The following VKORC1L1 variants were observed in gnomAD, a reference collection of about 807,000 sequenced individuals.
The protein encoded by VKORC1L1 is vitamin K epoxide reductase complex subunit 1L1, also known as vitamin K epoxide reductase complex subunit 1-like protein 1.
A neutral mutation model predicts 18.9 loss-of-function variants in VKORC1L1; 2 were observed. The observed-to-expected ratio is 0.11, with a 90% CI of 0.04 to 0.33. VKORC1L1 has a LOEUF of 0.33. Among genes scored for constraint, VKORC1L1 ranks in the 10% least tolerant of loss-of-function variants. The probability of loss-of-function intolerance (pLI) is 1.00; values close to 1 mark genes in which losing one functional copy is unlikely to be tolerated. For synonymous variants in VKORC1L1, 96 were observed against 100.0 expected, an observed-to-expected ratio of 0.96 and a Z score of 0.24; for missense variants, 123 against 224.1, an observed-to-expected ratio of 0.55 and a Z score of 2.88.
intron 2 of VKORC1L1, among the ~76,000 whole-genome samples, chr7:65,949,608 A>ACTCTGT (rs1255275658): frequency 2.6e-5 from 4 of 151,876 alleles, no homozygotes; most frequent in African/African-American, 4.8e-5. Flanking sequence ...ACATGGTGAG[A>ACTCTGT]CTCTGTCTCT....
intron 1 of VKORC1L1, among the ~76,000 whole-genome samples, chr7:65,944,654 CA>C (rs1475317081): frequency 6.6e-6 from 1 of 151,770 alleles, no homozygotes; most frequent in Non-Finnish European, 1.5e-5. Flanking sequence ...CAGTAACTCA[CA>C]CCTGTAATCC....
chr7:65,901,144 A>G (rs1789308396), intron 1 of VKORC1L1, among the ~76,000 whole-genome samples: 1 of 152,212 alleles, frequency 6.6e-6, no homozygotes. Flanking sequence ...GAAAAAAAGG[A>G]GGAAAAATTT....
chr7:65,939,298 CATCCAGCCAAAGAAG>C (rs1789996391), intron 1 of VKORC1L1, among the ~76,000 whole-genome samples: 1 of 152,174 alleles, frequency 6.6e-6, no homozygotes, highest in Non-Finnish European at 1.5e-5. Flanking sequence ...GCTGGTGGCT[CATCCAGCCAAAGAAG>C]TAAAAGGGGT....
At chr7:65,951,529 G>A (rs952040084) in intron 2 of VKORC1L1, among the ~76,000 whole-genome samples, 1 of 151,370 alleles carries the variant, frequency 6.6e-6, no homozygotes, top group South Asian at 2.1e-4. Context: ...AGCTAATGTC[G>A]CACCATTGCA....
At chr7:65,943,876 A>C (rs530070459) in intron 1 of VKORC1L1, among the ~76,000 whole-genome samples, 1 of 152,210 alleles carries the variant, frequency 6.6e-6, no homozygotes. Flanking sequence ...AGGTGGTAAA[A>C]GCAAGATAAT....
intron 1 of VKORC1L1, among the ~76,000 whole-genome samples, chr7:65,899,557 G>A (rs961418114): frequency 3.3e-5 from 5 of 152,156 alleles, no homozygotes. Context: ...TGACTCTGAA[G>A]CTTATGGGAG....
At chr7:65,950,629 C>CAA (rs546351132) in intron 2 of VKORC1L1, among the ~76,000 whole-genome samples, 1 of 140,956 alleles carries the variant, frequency 7.1e-6, no homozygotes, top group African/African-American at 2.6e-5. Flanking sequence ...TGTAAAATAG[C>CAA]AAAAAAAAAA....
At chr7:65,869,768 G>A (rs1225174503), upstream of VKORC1L1, among the ~76,000 whole-genome samples, 1 of 147,276 alleles carries the variant, frequency 6.8e-6, no homozygotes, top group African/African-American at 2.5e-5. Flanking sequence ...CTTCTGCCTT[G>A]GCCTCCTGAA....
At chr7:65,891,539 G>T (rs1249538926) in intron 1 of VKORC1L1, among the ~76,000 whole-genome samples, 1 of 152,102 alleles carries the variant, frequency 6.6e-6, no homozygotes, top group Non-Finnish European at 1.5e-5. Flanking sequence ...AGGGATAAAT[G>T]TATTGATCCC....
intron 1 of VKORC1L1, among the ~76,000 whole-genome samples, chr7:65,880,910 A>G (rs1788917681): frequency 6.6e-6 from 1 of 152,190 alleles, no homozygotes; most frequent in African/African-American, 2.4e-5. Flanking sequence ...GTTATTGTAC[A>G]GGTTGAGGAT....
chr7:65,901,372 C>G (rs561131587), intron 1 of VKORC1L1, among the ~76,000 whole-genome samples: 2 of 152,226 alleles, frequency 1.3e-5, no homozygotes, highest in East Asian at 1.9e-4. Flanking sequence ...GCAACAACAA[C>G]AAGATACAAA....
chr7:65,947,880 C>T (rs1175528594), intron 1 of VKORC1L1, among the ~76,000 whole-genome samples: 4 of 151,982 alleles, frequency 2.6e-5, no homozygotes, highest in African/African-American at 7.2e-5. Flanking sequence ...TGAGTAGAGA[C>T]GGGTTTCACC....
chr7:65,868,658 G>T (rs201013335), upstream of VKORC1L1, among the ~76,000 whole-genome samples: 1 of 147,298 alleles, frequency 6.8e-6, no homozygotes, highest in Non-Finnish European at 1.5e-5. Context: ...GAATGAAATC[G>T]TGTCTTTTGC....
chr7:65,950,596 C>T (rs562965128), intron 2 of VKORC1L1, among the ~76,000 whole-genome samples: 2 of 150,750 alleles, frequency 1.3e-5, no homozygotes, highest in African/African-American at 4.9e-5. Context: ...GATGTGTGCA[C>T]AAGGATATTC....
intron 1 of VKORC1L1, among the ~76,000 whole-genome samples, chr7:65,942,066 A>ATTTT (rs1790044159): frequency 3.9e-5 from 6 of 152,196 alleles, no homozygotes; most frequent in Non-Finnish European, 7.3e-5. Context: ...TGATGCTCCA[A>ATTTT]TAAAAAGTAT....
intron 1 of VKORC1L1, among the ~76,000 whole-genome samples, chr7:65,905,551 C>T (rs1447366865): frequency 1.3e-5 from 2 of 152,066 alleles, no homozygotes. Flanking sequence ...CCTCGTGATC[C>T]ACCCTCCTCG....
intron 1 of VKORC1L1, among the ~76,000 whole-genome samples, chr7:65,930,647 T>C (rs1171380806): frequency 6.6e-6 from 1 of 152,210 alleles, no homozygotes; most frequent in African/African-American, 2.4e-5. Context: ...CTTGGGATTT[T>C]CTATATAGAC....
chr7:65,935,974 CT>C (rs201626661), intron 1 of VKORC1L1, among the ~76,000 whole-genome samples: 20 of 148,102 alleles, frequency 1.4e-4, no homozygotes, highest in African/African-American at 1.7e-4. Context: ...AGTCTCTATT[CT>C]TTTTTTTTTA....
intron 1 of VKORC1L1, among the ~76,000 whole-genome samples, chr7:65,889,559 G>T (rs970775871): frequency 2.6e-5 from 4 of 152,082 alleles, no homozygotes; most frequent in African/African-American, 7.2e-5. Flanking sequence ...TCATTGAGCG[G>T]TGCATCTTTT....
Sources: gnomAD v4.1 joint callset for allele counts (sites outside exome capture counted in the v4.1 genomes callset) on GRCh38, gnomAD v4.1.1 for gene constraint, MANE v1.5 for transcripts, NCBI Gene and HGNC (gene_info 2026-07-23, HGNC 2026-07-21) for gene names.